Variants in IGSF10 observed in about 807,000 individuals in gnomAD.
IGSF10 encodes calvaria mechanical force protein 608.
In IGSF10, 126 loss-of-function variants were observed where a neutral mutation model predicts 128.2. The observed-to-expected ratio is 0.98, with a 90% CI of 0.85 to 1.14. IGSF10 has a LOEUF of 1.14. Among genes scored for constraint, IGSF10 ranks in the 50% most tolerant of loss-of-function variants. The pLI, the probability that IGSF10 is intolerant of heterozygous loss-of-function variation, is 0.00. For missense variants in IGSF10, 3,295 were observed against 3,149.8 expected (o/e 1.05, Z -1.10); for synonymous variants, 1,185 against 1,146.2 (o/e 1.03, Z -0.68).
At chr3:151,507,930 G>T in the IGSF10 span, among the ~76,000 whole-genome samples, 2 of 5,126 alleles carry the variant, frequency 3.9e-4, no homozygotes, top group Non-Finnish European at 7.7e-4. Flanking sequence ...TTGAAGGTCT[G>T]TCAATAAATT....
At chr3:151,560,400 T>C in the IGSF10 span, among the ~76,000 whole-genome samples, 1 of 152,082 alleles carries the variant, frequency 6.6e-6, no homozygotes, top group Non-Finnish European at 1.5e-5. Flanking sequence ...CTCAGGGAGC[T>C]TTAATCATCT....
chr3:151,528,310 C>T, the IGSF10 span, among the ~76,000 whole-genome samples: 1 of 152,086 alleles, frequency 6.6e-6, no homozygotes, highest in African/African-American at 2.4e-5. Context: ...AGGGACTGAT[C>T]CAGATTTCGA....
chr3:151,505,719 TTC>T, the IGSF10 span, among the ~76,000 whole-genome samples: 1 of 151,786 alleles, frequency 6.6e-6, no homozygotes, highest in Non-Finnish European at 1.5e-5. Context: ...AATTAGTCTT[TTC>T]TAGGGATGCC....
intron 7 of IGSF10, among the ~76,000 whole-genome samples, chr3:151,440,056 G>T (rs1720755058): frequency 8.4e-6 from 1 of 118,410 alleles, no homozygotes; most frequent in Admixed American, 9.5e-5. Context: ...TTTGAGACAG[G>T]GTGTCACTCT....
chr3:151,599,473 A>G, the IGSF10 span, among the ~76,000 whole-genome samples: 1 of 152,170 alleles, frequency 6.6e-6, no homozygotes, highest in African/African-American at 2.4e-5. Flanking sequence ...TTGTCAAGAT[A>G]ACAGAGGCAA....
chr3:151,436,981 G>A lies in IGSF10; in HGVS notation c.7580C>T (p.Pro2527Leu). 6.8e-6 allele frequency: 11 copies of A among 1,614,206 alleles called. No individual in the cohort carries two copies. The highest frequency in any genetic ancestry group is 9.3e-6 in the Non-Finnish European group (11 of 1,180,034). ...GGGTGGACGATTTGTAATTCGGGGA[G>A]GGTAGGCTACAATCATTACTGGAAC... ...ITVPVMIVAY[P>L]PRITNRPPRS... The change falls in exon 8 of 8, where the codon CCT (proline) becomes CTT (leucine). Residue 2527 changes from proline (P) to leucine (L), a missense_variant. Pro to Leu is a moderately conservative substitution (Grantham distance 98, BLOSUM62 -3). Coordinates refer to ENST00000282466, the MANE Select transcript of IGSF10 (RefSeq NM_178822.5).
chr3:151,469,799 C>T, the IGSF10 span, among the ~76,000 whole-genome samples: 1 of 152,192 alleles, frequency 6.6e-6, no homozygotes, highest in Non-Finnish European at 1.5e-5. Context: ...AGGACTCATA[C>T]TCCCATGCAG....
the IGSF10 span, among the ~76,000 whole-genome samples, chr3:151,585,244 C>T: frequency 3.3e-5 from 5 of 152,062 alleles, no homozygotes; most frequent in Admixed American, 3.3e-4. Context: ...TTGAAATGAT[C>T]ATAATTTGGG....
chr3:151,445,637 C>G lies in IGSF10; in HGVS notation c.4344G>C (p.Gln1448His). 3 of 1,614,184 alleles carry G rather than the reference C, an allele frequency of 1.9e-6. No individual in the cohort carries two copies. Among genetic ancestry groups the G allele is most frequent in the East Asian group, 2.2e-5 (1 of 44,878 alleles). ...SETTLSSKSH[Q>H]STTTRKAIIR... ...TGATTGCTTTCCTAGTTGTGGTACTCTGGTGTGATTTGCTGGACAAAGTTG... is the reference window on the plus strand; with the variant it reads ...TGATTGCTTTCCTAGTTGTGGTACTGTGGTGTGATTTGCTGGACAAAGTTG... Residue 1448 changes from glutamine to histidine, a missense_variant, in exon 6 of 8, where the codon CAG becomes CAC. Gln to His is a conservative substitution (Grantham distance 24). Transcript: ENST00000282466.
chr3:151,512,701 A>G, the IGSF10 span, among the ~76,000 whole-genome samples: 8 of 152,182 alleles, frequency 5.3e-5, no homozygotes, highest in Non-Finnish European at 1.0e-4. Context: ...GATCAACAAA[A>G]TTGATAGACT....
chr3:151,483,516 G>C, the IGSF10 span, among the ~76,000 whole-genome samples: 1 of 152,154 alleles, frequency 6.6e-6, no homozygotes, highest in Non-Finnish European at 1.5e-5. Context: ...AGGGGGGATT[G>C]CTGGCAAGAT....
the IGSF10 span, among the ~76,000 whole-genome samples, chr3:151,495,728 G>A: frequency 6.6e-6 from 1 of 152,030 alleles, no homozygotes; most frequent in Non-Finnish European, 1.5e-5. Context: ...GAGGGGAGAA[G>A]GGGAACATGA....
the IGSF10 span, among the ~76,000 whole-genome samples, chr3:151,612,039 T>A: frequency 1.3e-5 from 2 of 152,194 alleles, no homozygotes; most frequent in Non-Finnish European, 2.9e-5. Flanking sequence ...ACAAAATGGA[T>A]AATAGGACTA....
the IGSF10 span, among the ~76,000 whole-genome samples, chr3:151,523,876 C>T: frequency 6.6e-6 from 1 of 152,122 alleles, no homozygotes; most frequent in East Asian, 1.9e-4. Context: ...AGACAACCTA[C>T]AGAAGGGGAG....
the IGSF10 span, among the ~76,000 whole-genome samples, chr3:151,475,401 G>T: frequency 0.49 from 74,962 of 152,078 alleles, 18,856 homozygotes; most frequent in South Asian, 0.59. Flanking sequence ...ATTAAATATG[G>T]CCTGAGAAGG....
chr3:151,497,448 CTTGT>C, the IGSF10 span, among the ~76,000 whole-genome samples: 1 of 152,110 alleles, frequency 6.6e-6, no homozygotes, highest in Non-Finnish European at 1.5e-5. Context: ...TTCCCCATTG[CTTGT>C]TTTTGTCAGG....
chr3:151,525,021 TTTTTTTTTTTTTTTTTTTTTTTTA>T, the IGSF10 span, among the ~76,000 whole-genome samples: 5 of 103,576 alleles, frequency 4.8e-5, no homozygotes, highest in African/African-American at 2.1e-4. Context: ...TTTTTTTTTT[TTTTTTTTTTTTTTTTTTTTTTTTA>T]AAGAGAGCCT....
chr3:151,446,125 T>C lies in IGSF10; in HGVS notation c.3856A>G (p.Lys1286Glu), dbSNP rs150329686. 552 of 1,614,196 alleles carry C rather than the reference T, an allele frequency of 3.4e-4. 2 individuals carry two copies. In the African/African-American group the frequency reaches 6.6e-3, roughly 19 times the overall value. ...KTHNPGSLPTKKELPFPPLNP... is the reference protein window; with the variant it reads ...KTHNPGSLPTEKELPFPPLNP... ...AGGGGTGGGAAGGGAAGCTCCTTCT[T>C]TGTTGGAAGACTTCCAGGATTGTGT... is the stretch of plus-strand genomic sequence containing the variant. The change falls in exon 6 of 8, where the codon AAG becomes GAG. Residue 1286 changes from lysine to glutamate, a missense_variant. Coordinates refer to ENST00000282466, the MANE Select transcript of IGSF10 (RefSeq NM_178822.5).
In IGSF10 at chr3:151,447,237, T is replaced by C. The variant is rs778299863; in HGVS notation, c.2744A>G (p.His915Arg). Residue 915 changes from histidine (H) to arginine (R), a missense_variant, in exon 6 of 8, where the codon CAT (histidine) becomes CGT (arginine). Coordinates refer to ENST00000282466, the MANE Select transcript of IGSF10 (RefSeq NM_178822.5). The part of the protein sequence containing the change: ...DSDQMGRGRE[H>R]FQSRPPITVR... ...TGTTATTGGGGGTCTACTTTGGAAA[T>C]GCTCTCTTCCTCTTCCCATCTGGTC... 5.6e-6 allele frequency: 9 copies of C among 1,614,238 alleles called. No individual in the cohort carries two copies. Among genetic ancestry groups the C allele is most frequent in the Non-Finnish European group, 7.6e-6 (9 of 1,180,036 alleles).
Sources: gnomAD v4.1 joint callset for allele counts (sites outside exome capture counted in the v4.1 genomes callset) on GRCh38, gnomAD v4.1.1 for gene constraint, MANE v1.5 for transcripts, NCBI Gene and HGNC (gene_info 2026-07-23, HGNC 2026-07-21) for gene names.